Variants in ZNF180 observed in about 807,000 individuals in gnomAD.
The protein encoded by ZNF180 is zinc finger protein 180 (HHZ168).
Under a neutral mutation model 11.8 loss-of-function variants are expected in ZNF180, and 11 were observed. The observed-to-expected ratio is 0.93, with a 90% CI of 0.59 to 1.55. The LOEUF (loss-of-function observed/expected upper bound fraction) is 1.55. Among genes scored for constraint, ZNF180 ranks in the 40% most tolerant of loss-of-function variants. ZNF180 has a pLI of 0.00. For missense variants in ZNF180, 773 were observed against 781.7 expected (o/e 0.99, Z 0.13); for synonymous variants, 287 against 257.7 (o/e 1.11, Z -1.09).
At chr19:44,497,431 G>A in intron 1 of ZNF180, 54 bp from the exon 2 acceptor site, 1 of 1,506,832 alleles carries the variant, frequency 6.6e-7, no homozygotes, top group Non-Finnish European at 8.9e-7. Context: ...GAACCGCTGG[G>A]CCCCCCACCC....
intron 3 of ZNF180, among the ~76,000 whole-genome samples, chr19:44,481,241 G>C (rs551992868): frequency 1.1e-3 from 165 of 152,278 alleles, no homozygotes; most frequent in Middle Eastern, 3.4e-3. Flanking sequence ...TTGAGCTGCA[G>C]TTCATGAATA....
chr19:44,490,386 T>C (rs1341332713), intron 2 of ZNF180, among the ~76,000 whole-genome samples: 1 of 151,752 alleles, frequency 6.6e-6, no homozygotes, highest in African/African-American at 2.4e-5. Flanking sequence ...AAAATAAAAC[T>C]CACAATGCCA....
At chr19:44,484,796 G>A (rs1568428661) in intron 2 of ZNF180, 1 of 245,278 alleles carries the variant, frequency 4.1e-6, no homozygotes, top group East Asian at 9.1e-5. Flanking sequence ...AAAATTATAA[G>A]CAAATAAAAT....
chr19:44,498,061 C>A (rs1206187554), intron 1 of ZNF180, among the ~76,000 whole-genome samples: 2 of 152,154 alleles, frequency 1.3e-5, no homozygotes, highest in Non-Finnish European at 2.9e-5. Flanking sequence ...CCTACTCGAA[C>A]AGCACCAGCC....
intron 2 of ZNF180, among the ~76,000 whole-genome samples, chr19:44,489,074 C>CGG (rs1970339214): frequency 7.7e-6 from 1 of 130,708 alleles, no homozygotes; most frequent in South Asian, 2.6e-4. Flanking sequence ...AGCCCCCGCC[C>CGG]GGCCAGCCGC....
At position 44,497,318 on chromosome 19, in the gene ZNF180, T is replaced by C. The variant is rs1427430286; in HGVS notation, c.17A>G (p.Glu6Gly). The C allele has an allele frequency of 1.3e-6, 2 of 1,595,988 alleles. No homozygotes were observed. Among genetic ancestry groups the C allele is most frequent in the Non-Finnish European group, 1.7e-6 (2 of 1,174,140 alleles). MEEQD[E>G]KPPEPPKVCA... ...GACCTTCGGGGGCTCTGGGGGCTTC[T>C]CATCCTGCTCTTCCATGCTCTCCTC... Residue 6 changes from glutamate (E) to glycine (G), a missense_variant, in exon 2 of 5, where the codon GAG becomes GGG. Coordinates refer to ENST00000592529, the MANE Select transcript of ZNF180 (RefSeq NM_001278509.3).
chr19:44,485,918 A>G (rs989057923), intron 2 of ZNF180, among the ~76,000 whole-genome samples: 1 of 152,140 alleles, frequency 6.6e-6, no homozygotes, highest in African/African-American at 2.4e-5. Flanking sequence ...TAAAAGTGTA[A>G]TGTAACATCC....
rs1019964053 is a variant in ZNF180 at position 44,496,000 on chromosome 19, C to T, written c.51+1284G>A. ...ATTAAGAGTTTTCAAAGAATATTTG[C>T]GGTGGGAAATGTTCTAAATTGTTAA... On this transcript the variant is annotated intron_variant, in intron 2 of 4. Coordinates refer to ENST00000592529, the MANE Select transcript of ZNF180 (RefSeq NM_001278509.3). The surrounding 1 kb of genome is among the most constrained non-coding windows in gnomAD (Gnocchi z 4.5). Among the ~76,000 whole-genome samples, 25 of 152,060 alleles carry T rather than the reference C, an allele frequency of 1.6e-4. No homozygotes were observed. The highest frequency in any genetic ancestry group is 3.9e-4 in the African/African-American group (16 of 41,416).
chr19:44,491,191 C>T (rs1970441160), intron 2 of ZNF180, among the ~76,000 whole-genome samples: 1 of 152,206 alleles, frequency 6.6e-6, no homozygotes, highest in Non-Finnish European at 1.5e-5. Flanking sequence ...CCCTGGGGTC[C>T]CTGGAGGCAC....
chr19:44,487,411 C>G (rs1970257297), intron 2 of ZNF180, among the ~76,000 whole-genome samples: 1 of 152,242 alleles, frequency 6.6e-6, no homozygotes, highest in Admixed American at 6.5e-5. Context: ...TACTACCACA[C>G]ATACTACAAC....
chr19:44,496,672 C>CCAAAAAAAAA (rs1491468478), intron 2 of ZNF180: 1 of 71,622 alleles, frequency 1.4e-5, no homozygotes, highest in African/African-American at 7.0e-5. Context: ...GACTCTGTCT[C>CCAAAAAAAAA]AAAAAAAAAA....
chr19:44,498,524 G>A (rs1406339757), intron 1 of ZNF180, among the ~76,000 whole-genome samples: 2 of 152,144 alleles, frequency 1.3e-5, no homozygotes, highest in Non-Finnish European at 2.9e-5. Context: ...GGCACCTGTG[G>A]CTCAGGAAGA....
intron 2 of ZNF180, chr19:44,496,746 C>T (rs1970597933): frequency 1.4e-5 from 2 of 145,900 alleles, no homozygotes; most frequent in South Asian, 4.4e-4. Context: ...GATAAAACAA[C>T]TACAGATAAT....
chr19:44,496,918 A>G (rs1970603392), intron 2 of ZNF180, among the ~76,000 whole-genome samples: 1 of 152,196 alleles, frequency 6.6e-6, no homozygotes, highest in Non-Finnish European at 1.5e-5. Context: ...ATCAGTTTCA[A>G]TGGCTACAGT....
Position 44,477,536 on chromosome 19 carries a change from G to A in ZNF180, c.864C>T (p.Ser288=). ...ECGQVLNPKI[S]HNEQQRIPFE... ...AAGGAATTCTCTGTTGTTCATTATG[G>A]GATATTTTGGGGTTCAAAACCTGCC... is the stretch of plus-strand genomic sequence containing the variant. Residue 288 remains serine, a synonymous_variant, in exon 5 of 5, where the codon TCC becomes TCT. Transcript: ENST00000592529. The A allele has an allele frequency of 6.2e-7, 1 of 1,614,000 alleles. No homozygotes were observed. Among genetic ancestry groups the A allele is most frequent in the South Asian group, 1.1e-5 (1 of 91,064 alleles).
In ZNF180 at chr19:44,476,240, T is replaced by C; in HGVS notation, c.*162A>G. 1 of 675,024 alleles carries C rather than the reference T, an allele frequency of 1.5e-6. No individual in the cohort carries two copies. Among genetic ancestry groups the C allele is most frequent in the South Asian group, 2.9e-5 (1 of 33,940 alleles). The allele number at this position is 675,024 out of a possible 1,614,324, so 41.8% of individuals were successfully genotyped here. A position where few individuals can be genotyped will look rare whatever the true frequency, so the allele number is the denominator to read the frequency against. On this transcript the variant is annotated 3_prime_UTR_variant, in exon 5 of 5. Transcript: ENST00000592529. ...AAAAGTCGTTCATAGACTTTCCCCC[T>C]TTCTTTTCCAGAACAAATTTGAGAC...
rs1378989606 is a variant in ZNF180, at chr19:44,479,359, C to T, written c.177G>A (p.Gln59=). 1.2e-6 allele frequency: 2 copies of T among 1,613,898 alleles called. No homozygotes were observed. Among genetic ancestry groups the T allele is most frequent in the South Asian group, 1.1e-5 (1 of 91,072 alleles). Residue 59 remains glutamine, a synonymous_variant, in exon 4 of 5, where the codon CAG becomes CAA. Coordinates refer to ENST00000592529, the MANE Select transcript of ZNF180 (RefSeq NM_001278509.3). Reference sequence around the variant, plus strand: ...TCCTCTGAGCAGGGTTGCAAGTACCCTGTTCCTCCCGTGTGAAGTCCACAG... The same window carrying T: ...TCCTCTGAGCAGGGTTGCAAGTACCTTGTTCCTCCCGTGTGAAGTCCACAG... ...IVTVDFTREE[Q]GTCNPAQRTL...
chr19:44,498,329 C>G (rs1386410193), intron 1 of ZNF180, among the ~76,000 whole-genome samples: 1 of 152,084 alleles, frequency 6.6e-6, no homozygotes, highest in African/African-American at 2.4e-5. Flanking sequence ...CTAGGCACCC[C>G]ACCCTCTGCA....
chr19:44,484,677 T>C (rs960140113), intron 2 of ZNF180: 4 of 549,362 alleles, frequency 7.3e-6, no homozygotes, highest in Non-Finnish European at 1.3e-5. Context: ...TTGGGTCTTC[T>C]GGGCCAGCCC....
Sources: allele counts gnomAD v4.1 joint callset (sites outside exome capture counted in the v4.1 genomes callset), GRCh38; gene constraint gnomAD v4.1.1; non-coding constraint Gnocchi (gnomAD v3.1); transcripts MANE v1.5; gene names NCBI Gene and HGNC (gene_info 2026-07-23, HGNC 2026-07-21).